The following RARB variants were observed in gnomAD, a reference collection of about 807,000 sequenced individuals.
The protein encoded by RARB is retinoic acid receptor beta, also known as HBV-activated protein.
A neutral mutation model predicts 51.9 loss-of-function variants in RARB; 17 were observed. The observed-to-expected ratio is 0.33, with a 90% CI of 0.22 to 0.49. The LOEUF is 0.49. RARB is among the 20% of genes least tolerant of loss of function. RARB has a pLI of 0.99. For missense variants in RARB, 369 were observed against 550.8 expected (o/e 0.67, Z 3.30); for synonymous variants, 215 against 195.4 (o/e 1.10, Z -0.84).
chr3:25,287,956 G>A (rs1174913267), intron 5 of RARB, among the ~76,000 whole-genome samples: 2 of 152,000 alleles, frequency 1.3e-5, no homozygotes, highest in Admixed American at 1.3e-4. Context: ...CATTATAAAG[G>A]GGAGGAGTGG....
chr3:25,432,166 C>T (rs887178836), intron 1 of RARB, among the ~76,000 whole-genome samples: 4 of 151,616 alleles, frequency 2.6e-5, no homozygotes, highest in Admixed American at 6.6e-5. Flanking sequence ...GTGGGTTGTT[C>T]GAAAACAAGT....
At chr3:25,268,253 A>G (rs1424109623) in intron 5 of RARB, among the ~76,000 whole-genome samples, 1 of 152,138 alleles carries the variant, frequency 6.6e-6, no homozygotes, top group Non-Finnish European at 1.5e-5. Context: ...AGGTAGATCC[A>G]CCATTGAAGG....
At chr3:25,351,174 T>C (rs555542830) in intron 5 of RARB, among the ~76,000 whole-genome samples, 1 of 152,294 alleles carries the variant, frequency 6.6e-6, no homozygotes, top group Admixed American at 6.5e-5. Context: ...AAAAAGAGGC[T>C]TAACCAGGTA....
At chr3:25,308,037 G>A (rs2125431580) in intron 5 of RARB, among the ~76,000 whole-genome samples, 1 of 152,280 alleles carries the variant, frequency 6.6e-6, no homozygotes, top group Non-Finnish European at 1.5e-5. Flanking sequence ...CTGTAGGATT[G>A]TGTTCCTCTG....
At chr3:25,552,146 G>A (rs1376263080) in intron 3 of RARB, among the ~76,000 whole-genome samples, 1 of 152,068 alleles carries the variant, frequency 6.6e-6, no homozygotes, top group Non-Finnish European at 1.5e-5. Flanking sequence ...CAAGGTACAT[G>A]GTAGCAAAAA....
At chr3:24,886,145 G>T (rs2125360290) in intron 2 of RARB, among the ~76,000 whole-genome samples, 1 of 152,272 alleles carries the variant, frequency 6.6e-6, no homozygotes, top group African/African-American at 2.4e-5. Flanking sequence ...GCTAAGGCTG[G>T]AAAACACTAT....
At chr3:24,909,356 G>A (rs1487904503) in intron 2 of RARB, among the ~76,000 whole-genome samples, 2 of 152,116 alleles carry the variant, frequency 1.3e-5, no homozygotes, top group African/African-American at 4.8e-5. Context: ...TTGGTAAATA[G>A]AGCAATATCA....
chr3:24,841,174 G>A (rs928245114), intron 1 of RARB, among the ~76,000 whole-genome samples: 1 of 152,108 alleles, frequency 6.6e-6, no homozygotes, highest in African/African-American at 2.4e-5. Context: ...GAACTTTATT[G>A]TATACTCAAT....
intron 2 of RARB, among the ~76,000 whole-genome samples, chr3:24,966,170 C>A (rs1030607193): frequency 5.3e-5 from 8 of 150,916 alleles, no homozygotes; most frequent in Non-Finnish European, 1.0e-4. Context: ...ATTTTTACTA[C>A]TTGATTGTAG....
At chr3:24,907,358 G>T (rs1454670832) in intron 2 of RARB, among the ~76,000 whole-genome samples, 1 of 152,190 alleles carries the variant, frequency 6.6e-6, no homozygotes, top group Non-Finnish European at 1.5e-5. Flanking sequence ...TGATGCCACT[G>T]GCCTAGGGCC....
At chr3:25,143,701 A>G (rs1468403881) in intron 4 of RARB, among the ~76,000 whole-genome samples, 1 of 152,204 alleles carries the variant, frequency 6.6e-6, no homozygotes, top group Non-Finnish European at 1.5e-5. Context: ...AATGTAACTC[A>G]GTGGATGAGT....
At chr3:24,909,675 GT>G (rs1201954640) in intron 2 of RARB, among the ~76,000 whole-genome samples, 2 of 150,834 alleles carry the variant, frequency 1.3e-5, no homozygotes, top group East Asian at 3.9e-4. Flanking sequence ...CTATATGTCA[GT>G]TTTATTTACT....
At chr3:25,081,915 G>A (rs1575151971) in intron 3 of RARB, among the ~76,000 whole-genome samples, 1 of 151,778 alleles carries the variant, frequency 6.6e-6, no homozygotes, top group Non-Finnish European at 1.5e-5. Flanking sequence ...TTACAGGCGT[G>A]AGCCACTGTG....
At chr3:25,194,077 A>G (rs546486985) in intron 5 of RARB, among the ~76,000 whole-genome samples, 2 of 152,024 alleles carry the variant, frequency 1.3e-5, no homozygotes, top group South Asian at 4.1e-4. Flanking sequence ...TCAGGCTTTA[A>G]AAAAGGAAGA....
chr3:25,455,175 T>G (rs537568253), intron 1 of RARB, among the ~76,000 whole-genome samples: 5 of 152,342 alleles, frequency 3.3e-5, no homozygotes, highest in African/African-American at 1.2e-4. Context: ...TTCAAAACTT[T>G]TGGAGCAATT....
intron 5 of RARB, among the ~76,000 whole-genome samples, chr3:25,296,412 G>T (rs1469371120): frequency 6.6e-6 from 1 of 152,122 alleles, no homozygotes; most frequent in Non-Finnish European, 1.5e-5. Flanking sequence ...CTAGCTTTCT[G>T]GGAACTCGGG....
chr3:24,926,347 G>A (rs1002392620), intron 2 of RARB, among the ~76,000 whole-genome samples: 1 of 152,056 alleles, frequency 6.6e-6, no homozygotes, highest in Non-Finnish European at 1.5e-5. Context: ...TGTTTCACAG[G>A]AACTAATTTA....
chr3:25,597,556 C>G lies in RARB; in HGVS notation c.*940C>G, dbSNP rs1162517359. 6.6e-6 allele frequency: 1 copy of G among 152,576 alleles called. No individual in the cohort carries two copies. Among genetic ancestry groups the G allele is most frequent in the Non-Finnish European group, 1.5e-5 (1 of 68,030 alleles). The allele number at this position is 152,576 out of a possible 1,614,324, so 9.5% of individuals were successfully genotyped here. ...CTGGTCTACCACCTGGACCATGTAACTCTAGTGTCCTTCCTGATTCATGCC... is the reference window on the plus strand; with the variant it reads ...CTGGTCTACCACCTGGACCATGTAAGTCTAGTGTCCTTCCTGATTCATGCC... On this transcript the variant is annotated 3_prime_UTR_variant, in exon 8 of 8. Coordinates refer to ENST00000330688, the MANE Select transcript of RARB (RefSeq NM_000965.5).
At chr3:25,001,944 A>T (rs1559429146) in intron 2 of RARB, among the ~76,000 whole-genome samples, 36 of 151,924 alleles carry the variant, frequency 2.4e-4, no homozygotes. Context: ...CATGTGGCTA[A>T]TTTTTTTATA....
Sources: gnomAD v4.1 joint callset for allele counts (sites outside exome capture counted in the v4.1 genomes callset) on GRCh38, gnomAD v4.1.1 for gene constraint, MANE v1.5 for transcripts, NCBI Gene and HGNC (gene_info 2026-07-23, HGNC 2026-07-21) for gene names.